Variants in EIF5A observed in about 807,000 individuals in gnomAD.
The protein encoded by EIF5A is eukaryotic translation initiation factor 5A.
In EIF5A, 1 loss-of-function variant was observed where a neutral mutation model predicts 16.6. The ratio of observed to expected loss-of-function variants is 0.06; its 90% CI spans 0.02 to 0.28. The LOEUF is 0.28. EIF5A is among the 10% of genes least tolerant of loss of function. EIF5A has a pLI of 1.00. For synonymous variants in EIF5A, 80 were observed against 73.6 expected (o/e 1.09, Z -0.44); for missense variants, 29 against 196.1 (o/e 0.15, Z 5.09).
chr17:7,310,454 G>A, intron 2 of EIF5A: 1 of 1,174,184 alleles, frequency 8.5e-7, no homozygotes, highest in Non-Finnish European at 1.1e-6. Flanking sequence ...AATTTCTTGT[G>A]GTGTTTTTCC....
intron 1 of EIF5A, chr17:7,308,230 G>A: frequency 9.8e-7 from 1 of 1,021,388 alleles, no homozygotes; most frequent in Non-Finnish European, 1.2e-6. Context: ...GGGCGGCCGC[G>A]GCACCGGAAG....
Position 7,310,240 on chromosome 17 carries a change from A to T in EIF5A, c.165+440A>T, listed in dbSNP as rs189806590. On this transcript the variant is annotated intron_variant, in intron 2 of 5. Transcript: ENST00000336458. ...TGCGTCAATTCTGAGCTTTCAGGTC[A>T]CCTTGCTGCTTCGTTCCCCAGTTCT... The T allele has an allele frequency of 2.2e-3, 2,854 of 1,290,112 alleles. 13 individuals carry two copies. Among genetic ancestry groups the T allele is most frequent in the South Asian group, 7.2e-3 (585 of 81,034 alleles). 79.9% of individuals were successfully genotyped at this position (1,290,112 alleles called of 1,614,324 possible).
Position 7,311,835 on chromosome 17 carries a change from G to GCAGCAGTGA in EIF5A, c.*26_*34dup, listed in dbSNP as rs537953178. 1.1e-4 allele frequency: 95 copies of GCAGCAGTGA among 845,958 alleles called. No homozygotes were observed. In the African/African-American group the frequency reaches 1.4e-3, roughly 12 times the overall value. The allele number at this position is 845,958 out of a possible 1,614,324, so 52.4% of individuals were successfully genotyped here. The stretch of plus-strand genomic sequence containing the variant: ...TCTCCTACCTAGGGTGGCGGTGGTG[G>GCAGCAGTGA]CAGCAGTGATCCTCTGAACCTGCAG... On this transcript the variant is annotated 3_prime_UTR_variant, in exon 6 of 6. Transcript: ENST00000336458.
intron 3 of EIF5A, 108 bp from the exon 4 acceptor site, chr17:7,311,242 T>TGTTTGGTATTAGTTTGCTATCAGTCCA: frequency 6.4e-7 from 1 of 1,572,356 alleles, no homozygotes; most frequent in Non-Finnish European, 8.7e-7. Flanking sequence ...CAGGAGAGGG[T>TGTTTGGTATTAGTTTGCTATCAGTCCA]GTTTGGTATT....
intron 1 of EIF5A, chr17:7,308,654 C>T (rs1169807092): frequency 4.0e-5 from 51 of 1,269,036 alleles, no homozygotes; most frequent in Non-Finnish European, 5.3e-5. Context: ...ACTTTTCTGT[C>T]GGCCTGGGTG....
rs770655345 is a variant in EIF5A at position 7,311,619 on chromosome 17, A to T, written c.444A>T (p.Ala148=). 1.9e-6 allele frequency: 3 copies of T among 1,614,164 alleles called. No homozygotes were observed. Among genetic ancestry groups the T allele is most frequent in the Non-Finnish European group, 2.5e-6 (3 of 1,180,026 alleles). Residue 148 remains alanine (A), a synonymous_variant, in exon 5 of 6, where the codon GCA becomes GCT. Coordinates refer to ENST00000336458, the MANE Select transcript of EIF5A (RefSeq NM_001970.5). ...LSAMTEEAAV[A]IKAMAK is the part of the protein sequence containing the mutation. ...CCATGACAGAGGAGGCAGCTGTTGC[A>T]ATCAAGGCCATGGCAAAATAACTGG... is the stretch of plus-strand genomic sequence containing the variant.
intron 1 of EIF5A, chr17:7,308,116 G>A: frequency 3.0e-6 from 3 of 1,000,132 alleles, no homozygotes; most frequent in Non-Finnish European, 3.6e-6. Flanking sequence ...CACGTGAGGT[G>A]GGGGAGGGGG....
intron 2 of EIF5A, chr17:7,310,155 T>A: frequency 7.7e-7 from 1 of 1,300,816 alleles, no homozygotes; most frequent in Non-Finnish European, 1.0e-6. Context: ...TGTTAAGTGG[T>A]TGCTTCCATC....
intron 1 of EIF5A, chr17:7,308,585 A>AC (rs138535394): frequency 0.055 from 73,826 of 1,350,376 alleles, 2,887 homozygotes; most frequent in East Asian, 0.28. Context: ...TGTAAGTGGC[A>AC]CCCCTTCGAG....
chr17:7,308,175 G>C (rs544344311), intron 1 of EIF5A: 1 of 266,178 alleles, frequency 3.8e-6, no homozygotes, highest in Non-Finnish European at 6.4e-6. Flanking sequence ...CGGCCGGGGG[G>C]AGGGGAGGCG....
chr17:7,311,133 G>A lies in EIF5A; in HGVS notation c.270+11G>A, dbSNP rs962722283. ...AGGAATGACTTCCAGGTATGTAGAT[G>A]GTCTGGATGAGGATGGGTTAGCGGT... On this transcript the variant is annotated intron_variant, in intron 3 of 5. Transcript: ENST00000336458. The A allele has an allele frequency of 1.2e-6, 2 of 1,613,164 alleles. No individual in the cohort carries two copies. Among genetic ancestry groups the A allele is most frequent in the Admixed American group, 1.7e-5 (1 of 59,928 alleles).
chr17:7,310,881 C>T, intron 2 of EIF5A, 137 bp from the exon 3 acceptor site: 1 of 1,424,374 alleles, frequency 7.0e-7, no homozygotes, highest in Non-Finnish European at 9.2e-7. Flanking sequence ...CTTGAGTTGA[C>T]TGGTTCAATT....
Position 7,307,712 on chromosome 17 carries a change from C to T in EIF5A, c.-62C>T. 1 of 1,037,828 alleles carries T rather than the reference C, an allele frequency of 9.6e-7. No individual in the cohort carries two copies. The highest frequency in any genetic ancestry group is 3.1e-5 in the South Asian group (1 of 32,092). The allele number at this position is 1,037,828 out of a possible 1,614,324, so 64.3% of individuals were successfully genotyped here. On this transcript the variant is annotated 5_prime_UTR_variant, in exon 1 of 6. Coordinates refer to ENST00000336458, the MANE Select transcript of EIF5A (RefSeq NM_001970.5). Reference sequence around the variant, plus strand: ...CGGGCTCGGAGGCAGCGGTTGGGCTCGCGGCGAGCGGACGGGGTCGAGTCA... The same window carrying T: ...CGGGCTCGGAGGCAGCGGTTGGGCTTGCGGCGAGCGGACGGGGTCGAGTCA...
In EIF5A at chr17:7,311,136, C is replaced by T; in HGVS notation, c.270+14C>T. On this transcript the variant is annotated intron_variant, in intron 3 of 5. Coordinates refer to ENST00000336458, the MANE Select transcript of EIF5A (RefSeq NM_001970.5). ...AATGACTTCCAGGTATGTAGATGGT[C>T]TGGATGAGGATGGGTTAGCGGTTTA... 1 of 1,612,778 alleles carries T rather than the reference C, an allele frequency of 6.2e-7. No individual in the cohort carries two copies. Among genetic ancestry groups the T allele is most frequent in the South Asian group, 1.1e-5 (1 of 90,868 alleles).
chr17:7,307,067 T>A, upstream of EIF5A: 1 of 1,604,018 alleles, frequency 6.2e-7, no homozygotes, highest in South Asian at 1.1e-5. Flanking sequence ...CTGGGGGGAC[T>A]GATTCCAAGA....
chr17:7,310,087 A>G (rs960024626), intron 2 of EIF5A: 3 of 1,403,160 alleles, frequency 2.1e-6, no homozygotes, highest in East Asian at 3.5e-5. Flanking sequence ...TGCTCTAGCT[A>G]TTCAGTTGCT....
chr17:7,309,191 C>G (rs997803022), intron 1 of EIF5A, among the ~76,000 whole-genome samples: 4 of 150,506 alleles, frequency 2.7e-5, no homozygotes, highest in Non-Finnish European at 4.4e-5. Flanking sequence ...CTCCCCCCCC[C>G]CAATTAGCCC....
intron 1 of EIF5A, chr17:7,308,494 C>CAT: frequency 7.4e-7 from 1 of 1,350,846 alleles, no homozygotes; most frequent in Non-Finnish European, 9.8e-7. Flanking sequence ...CTGCTGCAGG[C>CAT]ATATGTTAGC....
chr17:7,308,190 G>C (rs2072687807), intron 1 of EIF5A: 1 of 990,954 alleles, frequency 1.0e-6, no homozygotes, highest in Non-Finnish European at 1.2e-6. Context: ...GAGGCGGCGT[G>C]GCTCCGGCCT....
Sources: allele counts gnomAD v4.1 joint callset (sites outside exome capture counted in the v4.1 genomes callset), GRCh38; gene constraint gnomAD v4.1.1; transcripts MANE v1.5; gene names NCBI Gene and HGNC (gene_info 2026-07-23, HGNC 2026-07-21).